The following SH3RF3 variants were observed in gnomAD, a reference collection of about 807,000 sequenced individuals.
SH3RF3 encodes the protein SH3 domain containing ring finger 3.
In SH3RF3, 29 loss-of-function variants were observed where a neutral mutation model predicts 66.3. The ratio of observed to expected loss-of-function variants is 0.44; its 90% CI spans 0.33 to 0.60. SH3RF3 has a LOEUF of 0.60. Among genes scored for constraint, SH3RF3 ranks in the 20% least tolerant of loss-of-function variants. The probability of loss-of-function intolerance (pLI) is 0.04; values close to 1 mark genes in which losing one functional copy is unlikely to be tolerated. For missense variants in SH3RF3, 1,194 were observed against 1,190.9 expected (o/e 1.00, Z -0.04); for synonymous variants, 583 against 532.0 (o/e 1.10, Z -1.32).
At chr2:109,277,385 C>A (rs796976744) in intron 1 of SH3RF3, among the ~76,000 whole-genome samples, 1 of 152,270 alleles carries the variant, frequency 6.6e-6, no homozygotes, top group East Asian at 1.9e-4. Context: ...TGACCCCGGC[C>A]TCGGTGATGG....
intron 1 of SH3RF3, among the ~76,000 whole-genome samples, chr2:109,275,291 G>A (rs1038569036): frequency 6.6e-6 from 1 of 152,098 alleles, no homozygotes; most frequent in Admixed American, 6.5e-5. Flanking sequence ...AAGTAGGAGA[G>A]CCTAGAGGCA....
intron 7 of SH3RF3, among the ~76,000 whole-genome samples, chr2:109,447,147 T>TAAAAAAAAA (rs61240132): frequency 4.8e-5 from 4 of 82,690 alleles, no homozygotes; most frequent in Non-Finnish European, 5.4e-5. Context: ...CCTGAATATT[T>TAAAAAAAAA]AAAAAAAAAA....
At chr2:109,495,595 T>G (rs1679240037) in intron 9 of SH3RF3, among the ~76,000 whole-genome samples, 1 of 148,124 alleles carries the variant, frequency 6.8e-6, no homozygotes, top group African/African-American at 2.5e-5. Flanking sequence ...TTTAAGCAAT[T>G]CTTGTGCCCA....
intron 1 of SH3RF3, among the ~76,000 whole-genome samples, chr2:109,241,597 C>T (rs1480148863): frequency 6.6e-6 from 1 of 152,086 alleles, no homozygotes; most frequent in African/African-American, 2.4e-5. Context: ...TGAGGTTTGG[C>T]TTGGTTCGGT....
intron 5 of SH3RF3, among the ~76,000 whole-genome samples, chr2:109,427,529 C>T (rs1221105911): frequency 2.0e-5 from 3 of 152,114 alleles, no homozygotes; most frequent in African/African-American, 7.2e-5. Context: ...AGGGTGAGGC[C>T]CCAGAATCTC....
At chr2:109,275,678 A>T (rs1680739300) in intron 1 of SH3RF3, among the ~76,000 whole-genome samples, 1 of 152,122 alleles carries the variant, frequency 6.6e-6, no homozygotes, top group Non-Finnish European at 1.5e-5. Context: ...TGGATGCTTG[A>T]TTAGCGCGTC....
chr2:109,228,655 A>C (rs1679429932), intron 1 of SH3RF3, among the ~76,000 whole-genome samples: 1 of 152,110 alleles, frequency 6.6e-6, no homozygotes, highest in South Asian at 2.1e-4. Context: ...GTGGCTGCAA[A>C]TCTGGTTTAT....
At position 109,129,326 on chromosome 2, in the gene SH3RF3, TGGCCGGTCCCCGCCACGCA is replaced by T. The variant is rs200435574; in HGVS notation, c.-187_-169del. 764,502 of 775,478 alleles carry T rather than the reference TGGCCGGTCCCCGCCACGCA, an allele frequency of 0.99. 377,429 individuals are homozygous for T. The highest frequency in any genetic ancestry group is 1 in the Non-Finnish European group (483,212 of 483,518). 48.0% of individuals were successfully genotyped at this position (775,478 alleles called of 1,614,324 possible). On this transcript the variant is annotated 5_prime_UTR_variant, in exon 1 of 10. Coordinates refer to ENST00000309415, the MANE Select transcript of SH3RF3 (RefSeq NM_001099289.3). ...GCGCTCAGGACTGGGCGGGCTCGGCTGGCCGGTCCCCGCCACGCAGGCCGGTCCCCGCCACGCAGGCCGG... is the reference window on the plus strand; with the variant it reads ...GCGCTCAGGACTGGGCGGGCTCGGCTGGCCGGTCCCCGCCACGCAGGCCGG...
chr2:109,470,696 C>T (rs1678481201), intron 8 of SH3RF3, among the ~76,000 whole-genome samples: 1 of 152,182 alleles, frequency 6.6e-6, no homozygotes, highest in Non-Finnish European at 1.5e-5. Context: ...GAGGATGGGT[C>T]ATCACAGAAA....
At chr2:109,459,244 A>G (rs1678150057) in intron 8 of SH3RF3, among the ~76,000 whole-genome samples, 1 of 152,188 alleles carries the variant, frequency 6.6e-6, no homozygotes, top group South Asian at 2.1e-4. Flanking sequence ...ACACATTCAC[A>G]CAGACATATT....
chr2:109,176,740 A>T (rs776268987), intron 1 of SH3RF3, among the ~76,000 whole-genome samples: 2 of 152,164 alleles, frequency 1.3e-5, no homozygotes, highest in Admixed American at 1.3e-4. Flanking sequence ...CTGTCTCTAA[A>T]AAAGAAGGCA....
chr2:109,176,406 G>A (rs925639424), intron 1 of SH3RF3, among the ~76,000 whole-genome samples: 43 of 152,152 alleles, frequency 2.8e-4, no homozygotes, highest in African/African-American at 9.9e-4. Context: ...TGTGTTTTTA[G>A]GAGCCCAATA....
intron 1 of SH3RF3, among the ~76,000 whole-genome samples, chr2:109,325,715 T>C (rs184307460): frequency 1.1e-3 from 164 of 152,320 alleles, no homozygotes; most frequent in African/African-American, 3.8e-3. Flanking sequence ...AAGCCAGGCA[T>C]CACTACATGT....
chr2:109,428,117 G>A (rs1677086524), intron 5 of SH3RF3, among the ~76,000 whole-genome samples: 1 of 152,244 alleles, frequency 6.6e-6, no homozygotes, highest in Non-Finnish European at 1.5e-5. Flanking sequence ...AGATGGAAGA[G>A]GTGAGGAGGA....
chr2:109,184,589 C>T (rs1274881242), intron 1 of SH3RF3, among the ~76,000 whole-genome samples: 1 of 152,152 alleles, frequency 6.6e-6, no homozygotes, highest in East Asian at 1.9e-4. Flanking sequence ...TGGCTTCCCC[C>T]ATCCAGTGCT....
intron 5 of SH3RF3, 48 bp from the exon 6 acceptor site, chr2:109,432,453 A>G (rs1350759193): frequency 3.7e-6 from 6 of 1,605,196 alleles, no homozygotes; most frequent in Non-Finnish European, 5.1e-6. Context: ...CCGGTCCCCT[A>G]TCCCCAGGAG....
At chr2:109,447,779 A>G (rs1162086334) in intron 7 of SH3RF3, among the ~76,000 whole-genome samples, 1 of 152,198 alleles carries the variant, frequency 6.6e-6, no homozygotes, top group East Asian at 1.9e-4. Context: ...GCTGTGTTTA[A>G]AGGGAGCTGT....
intron 9 of SH3RF3, among the ~76,000 whole-genome samples, chr2:109,501,227 T>TCATCTTCAA (rs1369576663): frequency 6.6e-6 from 1 of 152,078 alleles, no homozygotes; most frequent in Non-Finnish European, 1.5e-5. Flanking sequence ...GGGCTGTGCT[T>TCATCTTCAA]GGGTGGAGAA....
chr2:109,343,940 C>T (rs1301109501), intron 1 of SH3RF3, among the ~76,000 whole-genome samples: 1 of 152,088 alleles, frequency 6.6e-6, no homozygotes, highest in African/African-American at 2.4e-5. Flanking sequence ...GATAGGGTCT[C>T]AGCGTGTTGC....
Sources: gnomAD v4.1 joint callset for allele counts (sites outside exome capture counted in the v4.1 genomes callset) on GRCh38, gnomAD v4.1.1 for gene constraint, MANE v1.5 for transcripts, NCBI Gene and HGNC (gene_info 2026-07-23, HGNC 2026-07-21) for gene names.